ITGA8: variants seen among roughly 807,000 people sequenced by gnomAD.
ITGA8 encodes the protein integrin subunit alpha 8.
In ITGA8, 91 loss-of-function variants were observed where a neutral mutation model predicts 142.3. The ratio of observed to expected loss-of-function variants is 0.64; its 90% CI spans 0.54 to 0.76. The LOEUF is 0.76. Among genes scored for constraint, ITGA8 ranks in the 30% least tolerant of loss-of-function variants. ITGA8 has a pLI of 0.00. For synonymous variants in ITGA8, 505 were observed against 485.2 expected, an observed-to-expected ratio of 1.04 and a Z score of -0.54; for missense variants, 1,406 against 1,327.7, an observed-to-expected ratio of 1.06 and a Z score of -0.92.
chr10:15,558,354 G>C lies in ITGA8; in HGVS notation c.2638-152C>G, dbSNP rs114268426. 3.7e-4 allele frequency: 314 copies of C among 839,620 alleles called. 3 individuals carry two copies. In the African/African-American group the frequency reaches 4.9e-3, roughly 13 times the overall value. 52.0% of individuals were successfully genotyped at this position (839,620 alleles called of 1,614,324 possible). A position where few individuals can be genotyped will look rare whatever the true frequency, so the allele number is the denominator to read the frequency against. ...GTGATTACCAGCAGTGTGTTTAACAGTGACATGACCTGCACGCACAAGGAA... is the reference window on the plus strand; with the variant it reads ...GTGATTACCAGCAGTGTGTTTAACACTGACATGACCTGCACGCACAAGGAA... On this transcript the variant is annotated intron_variant, in intron 25 of 29. Coordinates refer to ENST00000378076, the MANE Select transcript of ITGA8 (RefSeq NM_003638.3).
At chr10:15,637,772 C>A (rs1833798184) in intron 13 of ITGA8, among the ~76,000 whole-genome samples, 1 of 151,392 alleles carries the variant, frequency 6.6e-6, no homozygotes, top group South Asian at 2.1e-4. Flanking sequence ...GGATTACAGG[C>A]ATGAGCTACC....
chr10:15,679,985 A>C (rs1368259890), intron 4 of ITGA8, among the ~76,000 whole-genome samples: 2 of 152,194 alleles, frequency 1.3e-5, no homozygotes, highest in African/African-American at 2.4e-5. Flanking sequence ...GTAAATAATT[A>C]TTTCTTTCTT....
chr10:15,557,979 C>A, intron 26 of ITGA8, 95 bp downstream of exon 26: 1 of 1,479,208 alleles, frequency 6.8e-7, no homozygotes, highest in Non-Finnish European at 9.3e-7. Flanking sequence ...CTGAAGGAGA[C>A]CAAGAACAAT....
At chr10:15,637,814 T>G (rs888335108) in intron 13 of ITGA8, among the ~76,000 whole-genome samples, 2 of 152,282 alleles carry the variant, frequency 1.3e-5, no homozygotes, top group African/African-American at 4.8e-5. Context: ...AAGTTTTTTT[T>G]TTTTTAAATT....
At chr10:15,698,412 T>G (rs1835097230) in intron 2 of ITGA8, among the ~76,000 whole-genome samples, 2 of 152,214 alleles carry the variant, frequency 1.3e-5, no homozygotes, top group South Asian at 4.1e-4. Flanking sequence ...CTTCTTTTCA[T>G]CTGGGTAGAT....
intron 27 of ITGA8, among the ~76,000 whole-genome samples, chr10:15,535,791 G>A (rs1833420360): frequency 6.6e-6 from 1 of 152,082 alleles, no homozygotes; most frequent in African/African-American, 2.4e-5. Flanking sequence ...ACCTGCTGGG[G>A]TCCCCTTCCA....
At chr10:15,522,045 C>G (rs1268407941) in intron 28 of ITGA8, among the ~76,000 whole-genome samples, 1 of 152,016 alleles carries the variant, frequency 6.6e-6, no homozygotes, top group African/African-American at 2.4e-5. Context: ...TAGGGTGATT[C>G]TAATTAACAA....
intron 27 of ITGA8, among the ~76,000 whole-genome samples, chr10:15,532,688 C>G (rs1414756651): frequency 6.6e-6 from 1 of 151,832 alleles, no homozygotes; most frequent in Non-Finnish European, 1.5e-5. Flanking sequence ...GTTCGATCTA[C>G]CCAGTGCTGG....
At chr10:15,579,117 G>C (rs1222367374) in intron 23 of ITGA8, among the ~76,000 whole-genome samples, 1 of 152,074 alleles carries the variant, frequency 6.6e-6, no homozygotes, top group Admixed American at 6.5e-5. Context: ...TCAAACAGTA[G>C]CTGTTTGTTC....
intron 26 of ITGA8, among the ~76,000 whole-genome samples, chr10:15,555,399 T>C (rs1158206940): frequency 6.6e-6 from 1 of 152,222 alleles, no homozygotes; most frequent in African/African-American, 2.4e-5. Context: ...GCTGGTATTA[T>C]GCTACATGTT....
intron 8 of ITGA8, among the ~76,000 whole-genome samples, chr10:15,663,146 A>G (rs1209686742): frequency 2.0e-5 from 3 of 152,208 alleles, no homozygotes; most frequent in African/African-American, 7.2e-5. Flanking sequence ...TTAAAATAGA[A>G]TTCTCATTCC....
At chr10:15,683,226 A>C (rs999219977) in intron 4 of ITGA8, among the ~76,000 whole-genome samples, 2 of 152,090 alleles carry the variant, frequency 1.3e-5, no homozygotes, top group South Asian at 4.2e-4. Flanking sequence ...GCACACTGAA[A>C]ACTGGAGGAG....
At chr10:15,643,446 A>T (rs998901554) in intron 13 of ITGA8, among the ~76,000 whole-genome samples, 4 of 152,012 alleles carry the variant, frequency 2.6e-5, no homozygotes, top group African/African-American at 9.7e-5. Context: ...TGCCCAGCTA[A>T]TTTTTGTATT....
chr10:15,705,614 A>G (rs1209038309), intron 2 of ITGA8, among the ~76,000 whole-genome samples: 1 of 152,186 alleles, frequency 6.6e-6, no homozygotes, highest in African/African-American at 2.4e-5. Context: ...CTTCTTAACT[A>G]TTAAATTTCT....
At chr10:15,709,201 A>C (rs1835318085) in intron 2 of ITGA8, among the ~76,000 whole-genome samples, 1 of 152,170 alleles carries the variant, frequency 6.6e-6, no homozygotes, top group Non-Finnish European at 1.5e-5. Context: ...TTTTCTGTTC[A>C]TTTTCGTACA....
At position 15,548,472 on chromosome 10, in the gene ITGA8, C is replaced by A; in HGVS notation, c.2863G>T (p.Ala955Ser). ...TTTATTACCTGGAGGAAGGTGTGGG[C>A]CCATAATCGTGACCTGACTTTCAGG... is the stretch of plus-strand genomic sequence containing the variant. ...AVLKVRSRLWAHTFLQRKNDP... is the reference protein window; with the variant it reads ...AVLKVRSRLWSHTFLQRKNDP... The change falls in exon 27 of 30, where the codon GCC (alanine) becomes TCC (serine). Residue 955 changes from alanine to serine, a missense_variant. Ala to Ser is a moderately conservative substitution (Grantham distance 99). Coordinates refer to ENST00000378076, the MANE Select transcript of ITGA8 (RefSeq NM_003638.3). 6.2e-7 allele frequency: 1 copy of A among 1,609,128 alleles called. No homozygotes were observed. The highest frequency in any genetic ancestry group is 8.5e-7 in the Non-Finnish European group (1 of 1,177,966).
chr10:15,676,695 G>A (rs1235236625), intron 6 of ITGA8, among the ~76,000 whole-genome samples: 2 of 152,170 alleles, frequency 1.3e-5, no homozygotes, highest in African/African-American at 4.8e-5. Context: ...AGTTGCAAGA[G>A]TATTTTAAAA....
At chr10:15,661,862 A>T (rs1834293508) in intron 8 of ITGA8, among the ~76,000 whole-genome samples, 1 of 152,182 alleles carries the variant, frequency 6.6e-6, no homozygotes, top group Non-Finnish European at 1.5e-5. Context: ...AGGAAAGTTG[A>T]CGGAACTGGT....
chr10:15,681,402 A>C (rs1834734740), intron 4 of ITGA8, among the ~76,000 whole-genome samples: 1 of 152,194 alleles, frequency 6.6e-6, no homozygotes, highest in Admixed American at 6.5e-5. Context: ...CCACAAAGGA[A>C]ATAATTCATG....
Sources: gnomAD v4.1 joint callset for allele counts (sites outside exome capture counted in the v4.1 genomes callset) on GRCh38, gnomAD v4.1.1 for gene constraint, MANE v1.5 for transcripts, NCBI Gene and HGNC (gene_info 2026-07-23, HGNC 2026-07-21) for gene names.